PPP1R9A: variants seen among roughly 807,000 people sequenced by gnomAD.
PPP1R9A encodes the protein neurabin-1.
Under a neutral mutation model 141.9 loss-of-function variants are expected in PPP1R9A, and 59 were observed. The observed-to-expected ratio is 0.42, with a 90% confidence interval of 0.34 to 0.52. PPP1R9A has a LOEUF of 0.52. Ranked by LOEUF, PPP1R9A falls within the 20% of genes least tolerant of loss-of-function variation. The pLI, the probability that PPP1R9A is intolerant of heterozygous loss-of-function variation, is 0.10. For synonymous variants in PPP1R9A, 500 were observed against 569.7 expected (o/e 0.88, Z 1.74); for missense variants, 1,444 against 1,611.9 (o/e 0.90, Z 1.78).
intron 4 of PPP1R9A, chr7:95,155,430 A>G (rs1311403633): frequency 3.3e-5 from 5 of 152,140 alleles, no homozygotes; most frequent in Non-Finnish European, 5.9e-5. Context: ...GGCTCAAACA[A>G]TTCTCCCACC....
chr7:95,262,955 C>G (rs576546258), intron 12 of PPP1R9A, among the ~76,000 whole-genome samples: 8 of 152,256 alleles, frequency 5.3e-5, no homozygotes, highest in African/African-American at 1.9e-4. Context: ...CCATACAATA[C>G]TAAAATGAAG....
intron 2 of PPP1R9A, among the ~76,000 whole-genome samples, chr7:94,918,299 C>T (rs898770370): frequency 2.0e-5 from 3 of 151,976 alleles, no homozygotes; most frequent in African/African-American, 7.2e-5. Flanking sequence ...TTCCCAGTCA[C>T]TTCAGGAAGC....
intron 4 of PPP1R9A, among the ~76,000 whole-genome samples, chr7:95,127,447 CT>C (rs1250458640): frequency 6.6e-6 from 1 of 151,758 alleles, no homozygotes; most frequent in Non-Finnish European, 1.5e-5. Context: ...TCTATCGTTA[CT>C]GTTTCTGTTG....
intron 2 of PPP1R9A, among the ~76,000 whole-genome samples, chr7:94,931,767 A>G (rs772827678): frequency 1.3e-5 from 2 of 152,086 alleles, no homozygotes; most frequent in African/African-American, 4.8e-5. Context: ...TAGTAGAGAC[A>G]GGGTTTCTCC....
chr7:94,947,033 TG>T (rs1795968759), intron 2 of PPP1R9A, among the ~76,000 whole-genome samples: 1 of 152,208 alleles, frequency 6.6e-6, no homozygotes, highest in Non-Finnish European at 1.5e-5. Flanking sequence ...AAAAGCCCAA[TG>T]GTCAGACATT....
chr7:95,036,768 A>C (rs1808478684), intron 2 of PPP1R9A: 1 of 152,244 alleles, frequency 6.6e-6, no homozygotes, highest in South Asian at 2.1e-4. Context: ...GCGAATTCTC[A>C]TCCAGAATTT....
In PPP1R9A at chr7:95,260,448, G is replaced by A. The variant is rs1248983912; in HGVS notation, c.2666-8102G>A. ...CTTCCCAGCACTTTGGGAGGCCAAG[G>A]CGGGTGGATCACCTGAGGTCAGGAG... On this transcript the variant is annotated intron_variant, in intron 12 of 19. Transcript: ENST00000433360. Among the ~76,000 whole-genome samples, 5 of 152,146 alleles carry A rather than the reference G, an allele frequency of 3.3e-5. No individual in the cohort carries two copies. The East Asian group carries it at 9.6e-4, about 29-fold the overall frequency.
intron 8 of PPP1R9A, among the ~76,000 whole-genome samples, chr7:95,233,203 C>T (rs889206893): frequency 6.6e-6 from 1 of 152,062 alleles, no homozygotes; most frequent in Non-Finnish European, 1.5e-5. Flanking sequence ...AAAAGGATGA[C>T]TTAATGTCCT....
chr7:95,266,094 A>G (rs1314623581), intron 12 of PPP1R9A, among the ~76,000 whole-genome samples: 1 of 152,086 alleles, frequency 6.6e-6, no homozygotes, highest in Non-Finnish European at 1.5e-5. Context: ...TCTCTCACTT[A>G]TATTTGTTCA....
At chr7:95,205,561 G>A (rs73221977) in intron 7 of PPP1R9A, among the ~76,000 whole-genome samples, 10 of 152,250 alleles carry the variant, frequency 6.6e-5, no homozygotes, top group Non-Finnish European at 1.3e-4. Context: ...AGTGAGAGAC[G>A]GATGCCTGGG....
intron 2 of PPP1R9A, among the ~76,000 whole-genome samples, chr7:95,064,245 C>CT (rs577499816): frequency 1.0e-3 from 156 of 152,226 alleles, no homozygotes; most frequent in South Asian, 4.8e-3. Flanking sequence ...ACGTGTGTTT[C>CT]TTTTTAAAGA....
At chr7:95,062,694 GA>G (rs1009567371) in intron 2 of PPP1R9A, among the ~76,000 whole-genome samples, 4 of 151,766 alleles carry the variant, frequency 2.6e-5, no homozygotes, top group Non-Finnish European at 5.9e-5. Flanking sequence ...GGCCAAGGGG[GA>G]TTTTTTTTTC....
At chr7:95,184,982 C>T (rs1036598915) in intron 5 of PPP1R9A, among the ~76,000 whole-genome samples, 4 of 150,302 alleles carry the variant, frequency 2.7e-5, no homozygotes, top group Non-Finnish European at 5.9e-5. Context: ...TGTGTAGCTA[C>T]CTGGTAGTTA....
chr7:95,107,533 A>G (rs751864307), intron 2 of PPP1R9A, among the ~76,000 whole-genome samples: 1 of 151,812 alleles, frequency 6.6e-6, no homozygotes, highest in African/African-American at 2.4e-5. Context: ...TCTGAATTGT[A>G]TTTTTCTTTG....
At chr7:95,020,451 G>A (rs963676340) in intron 2 of PPP1R9A, among the ~76,000 whole-genome samples, 2 of 151,974 alleles carry the variant, frequency 1.3e-5, no homozygotes, top group Non-Finnish European at 2.9e-5. Flanking sequence ...CTACATTTTT[G>A]TTGTTATTTA....
At chr7:95,273,648 C>A (rs1314971900) in intron 14 of PPP1R9A, among the ~76,000 whole-genome samples, 1 of 152,196 alleles carries the variant, frequency 6.6e-6, no homozygotes, top group African/African-American at 2.4e-5. Context: ...CTCCCTTGTT[C>A]ATTCCCATGC....
chr7:95,223,574 T>G (rs1470537310), intron 7 of PPP1R9A, among the ~76,000 whole-genome samples: 1 of 152,112 alleles, frequency 6.6e-6, no homozygotes, highest in Non-Finnish European at 1.5e-5. Flanking sequence ...GGTCCCATCC[T>G]AGGCACATAT....
intron 3 of PPP1R9A, among the ~76,000 whole-genome samples, chr7:95,113,537 A>G (rs1820949504): frequency 6.6e-6 from 1 of 152,204 alleles, no homozygotes; most frequent in Non-Finnish European, 1.5e-5. Flanking sequence ...AAAATACCCA[A>G]CCAAACAAAC....
intron 2 of PPP1R9A, among the ~76,000 whole-genome samples, chr7:94,935,239 A>G (rs778748931): frequency 2.2e-4 from 33 of 152,336 alleles, no homozygotes; most frequent in Non-Finnish European, 4.1e-4. Context: ...TATGAAAAGA[A>G]GATTGCAGGG....
Sources: allele counts gnomAD v4.1 joint callset (sites outside exome capture counted in the v4.1 genomes callset), GRCh38; gene constraint gnomAD v4.1.1; transcripts MANE v1.5; gene names NCBI Gene and HGNC (gene_info 2026-07-23, HGNC 2026-07-21).